Variants in DOCK2 observed in about 807,000 individuals in gnomAD.
DOCK2 encodes dedicator of cytokinesis protein 2.
A neutral mutation model predicts 248.9 loss-of-function variants in DOCK2; 87 were observed. The observed-to-expected ratio is 0.35, with a 90% CI of 0.29 to 0.42. DOCK2 has a LOEUF of 0.42. DOCK2 is among the 10% of genes least tolerant of loss of function. The pLI is 1.00. For missense variants in DOCK2, 1,747 were observed against 2,300.2 expected (o/e 0.76, Z 4.92); for synonymous variants, 805 against 821.6 (o/e 0.98, Z 0.35).
chr5:169,746,871 T>C (rs1581131914), intron 22 of DOCK2, among the ~76,000 whole-genome samples: 1 of 152,248 alleles, frequency 6.6e-6, no homozygotes, highest in East Asian at 1.9e-4. Context: ...GTAGGGATTT[T>C]ATAATCAGAG....
At chr5:169,844,895 G>A (rs1770212222) in intron 27 of DOCK2, among the ~76,000 whole-genome samples, 1 of 152,036 alleles carries the variant, frequency 6.6e-6, no homozygotes, top group Admixed American at 6.6e-5. Context: ...TACAGGATAA[G>A]CATTTGTACA....
chr5:169,885,316 T>C (rs1291762156), intron 27 of DOCK2, among the ~76,000 whole-genome samples: 1 of 152,226 alleles, frequency 6.6e-6, no homozygotes, highest in Non-Finnish European at 1.5e-5. Context: ...TTCCTAGCCC[T>C]CTTTCTGGCT....
Position 170,041,145 on chromosome 5 carries a change from GGTACA to G in DOCK2, c.3756+3_3756+7del. On this transcript the variant is annotated splice_donor_variant and splice_donor_5th_base_variant and intron_variant, in intron 37 of 51. Coordinates refer to ENST00000520908, the MANE Select transcript of DOCK2 (RefSeq NM_004946.3). LOFTEE classifies it high-confidence loss of function. ...TCCTTCTCCACACCTGGCTTCTCAA[GGTACA>G]GTCACTTTGGGTGAAGGGCATTTAT... The G allele has an allele frequency of 6.2e-7, 1 of 1,613,418 alleles. No individual in the cohort carries two copies. The highest frequency in any genetic ancestry group is 8.5e-7 in the Non-Finnish European group (1 of 1,179,398).
chr5:169,677,369 T>C (rs1176190284), intron 6 of DOCK2, among the ~76,000 whole-genome samples: 1 of 152,192 alleles, frequency 6.6e-6, no homozygotes, highest in East Asian at 1.9e-4. Context: ...ACTGCAAATC[T>C]TAAGTCAGTT....
At chr5:169,685,437 T>TAAAA (rs2113374775) in intron 8 of DOCK2, among the ~76,000 whole-genome samples, 1 of 152,292 alleles carries the variant, frequency 6.6e-6, no homozygotes, top group South Asian at 2.1e-4. Flanking sequence ...ACTGCCTGTC[T>TAAAA]CCTCCATTGG....
chr5:170,018,893 C>A, intron 32 of DOCK2, 67 bp from the exon 33 acceptor site: 1 of 1,563,030 alleles, frequency 6.4e-7, no homozygotes, highest in Non-Finnish European at 8.7e-7. Context: ...TTTCCCCAGG[C>A]TTGGTCGGAG....
At chr5:169,804,873 A>G (rs1477470448) in intron 26 of DOCK2, among the ~76,000 whole-genome samples, 1 of 152,212 alleles carries the variant, frequency 6.6e-6, no homozygotes, top group African/African-American at 2.4e-5. Context: ...AGACAGTATA[A>G]TAACCAAAAG....
In DOCK2 at chr5:169,879,655, A is replaced by G. The variant is rs114784552; in HGVS notation, c.2799+38803A>G. ...TTGAATTAAGTGCTAGAAAAATGCA[A>G]ACATTCTCAGACATGTTGGAAGGTC... On this transcript the variant is annotated intron_variant, in intron 27 of 51. Coordinates refer to ENST00000520908, the MANE Select transcript of DOCK2 (RefSeq NM_004946.3). Among the ~76,000 whole-genome samples the G allele has an allele frequency of 3.5e-3, 537 of 152,310 alleles. 2 individuals are homozygous for G. The highest frequency in any genetic ancestry group is 0.012 in the African/African-American group (517 of 41,574).
intron 27 of DOCK2, among the ~76,000 whole-genome samples, chr5:169,903,035 T>G (rs943647809): frequency 1.3e-5 from 2 of 149,858 alleles, no homozygotes; most frequent in Non-Finnish European, 3.0e-5. Context: ...GAGGTGGAGG[T>G]TGCAGTGAGC....
chr5:169,984,782 C>T (rs909246610), intron 28 of DOCK2, among the ~76,000 whole-genome samples: 1 of 152,144 alleles, frequency 6.6e-6, no homozygotes, highest in Non-Finnish European at 1.5e-5. Context: ...AAACCACCAA[C>T]TTAAGGAAAC....
chr5:170,034,408 A>C lies in DOCK2; in HGVS notation c.3477A>C (p.Glu1159Asp). ...YMQLLESILM[E>D]CAAEHPTIAK... ...CTGGTCTCTGCCGCAGCCTGATGGA[A>C]TGTGCTGCAGAGCACCCAACCATTG... The change falls in exon 35 of 52, where the codon GAA becomes GAC. Residue 1159 changes from glutamate to aspartate, a missense_variant. Coordinates refer to ENST00000520908, the MANE Select transcript of DOCK2 (RefSeq NM_004946.3). 1 of 1,614,050 alleles carries C rather than the reference A, an allele frequency of 6.2e-7. No homozygotes were observed. Among genetic ancestry groups the C allele is most frequent in the Non-Finnish European group, 8.5e-7 (1 of 1,179,994 alleles).
intron 2 of DOCK2, among the ~76,000 whole-genome samples, chr5:169,663,245 C>A (rs935129781): frequency 6.6e-6 from 1 of 152,200 alleles, no homozygotes; most frequent in South Asian, 2.1e-4. Flanking sequence ...GTCCCCAAGG[C>A]CTTGGGCAGC....
At chr5:169,967,399 G>A (rs79262510) in intron 27 of DOCK2, among the ~76,000 whole-genome samples, 8,979 of 152,306 alleles carry the variant, frequency 0.059, 349 homozygotes, top group Middle Eastern at 0.1. Context: ...AACAGCATGT[G>A]GTCAGGCTGT....
At chr5:169,858,525 G>C (rs995311877) in intron 27 of DOCK2, among the ~76,000 whole-genome samples, 2 of 152,204 alleles carry the variant, frequency 1.3e-5, no homozygotes, top group Non-Finnish European at 2.9e-5. Flanking sequence ...GGAAGGGCCT[G>C]TGGTGGGAGC....
chr5:170,060,989 C>T (rs558293005), intron 44 of DOCK2, among the ~76,000 whole-genome samples: 2 of 152,226 alleles, frequency 1.3e-5, no homozygotes, highest in Non-Finnish European at 2.9e-5. Flanking sequence ...GATATCATGC[C>T]ATTGCACTCC....
chr5:169,744,433 A>G (rs1423041234), intron 22 of DOCK2, among the ~76,000 whole-genome samples: 1 of 152,090 alleles, frequency 6.6e-6, no homozygotes, highest in Non-Finnish European at 1.5e-5. Flanking sequence ...GCAAGAACTA[A>G]ATGCTCACCG....
intron 27 of DOCK2, among the ~76,000 whole-genome samples, chr5:169,894,509 T>A (rs547896169): frequency 6.6e-6 from 1 of 152,290 alleles, no homozygotes; most frequent in South Asian, 2.1e-4. Flanking sequence ...CAATGAAGGT[T>A]TTCCCACTTC....
At chr5:170,044,884 T>C (rs11744647) in intron 38 of DOCK2, among the ~76,000 whole-genome samples, 51,847 of 151,922 alleles carry the variant, frequency 0.34, 9,214 homozygotes, top group East Asian at 0.48. Flanking sequence ...TGAAATGTAA[T>C]GGCTATCCCT....
intron 27 of DOCK2, among the ~76,000 whole-genome samples, chr5:169,960,170 T>A (rs1007412028): frequency 5.9e-5 from 9 of 152,228 alleles, no homozygotes; most frequent in Non-Finnish European, 2.9e-5. Flanking sequence ...TAAGTACCCA[T>A]GATAAATTTC....
Sources: gnomAD v4.1 joint callset for allele counts (sites outside exome capture counted in the v4.1 genomes callset) on GRCh38, gnomAD v4.1.1 for gene constraint, MANE v1.5 for transcripts, NCBI Gene and HGNC (gene_info 2026-07-23, HGNC 2026-07-21) for gene names.